CCDC77: variants seen among roughly 807,000 people sequenced by gnomAD.
CCDC77 encodes coiled-coil domain-containing protein 77.
A neutral mutation model predicts 66.8 loss-of-function variants in CCDC77; 56 were observed. The ratio of observed to expected loss-of-function variants is 0.84; its 90% confidence interval spans 0.68 to 1.05. CCDC77 has a LOEUF of 1.05. CCDC77 is among the 50% of genes least tolerant of loss of function. The pLI is 0.00. For synonymous variants in CCDC77, 196 were observed against 195.2 expected (o/e 1.00, Z -0.03); for missense variants, 570 against 576.8 (o/e 0.99, Z 0.12).
At chr12:400,614 G>A (rs61263516), upstream of CCDC77, among the ~76,000 whole-genome samples, 6,839 of 152,206 alleles carry the variant, frequency 0.045, 482 homozygotes, top group African/African-American at 0.15. Context: ...GGAGACTGCT[G>A]GTCTGTGGAG....
intron 4 of CCDC77, among the ~76,000 whole-genome samples, chr12:417,000 G>A (rs1344359608): frequency 1.3e-5 from 2 of 152,108 alleles, no homozygotes; most frequent in Non-Finnish European, 2.9e-5. Flanking sequence ...TTAGCTAGGC[G>A]TGGTGGCACA....
intron 5 of CCDC77, 196 bp downstream of exon 5, chr12:418,832 G>T: frequency 1.8e-6 from 1 of 569,832 alleles, no homozygotes. Flanking sequence ...TCGAGTAGCT[G>T]GGAACACAGG....
intron 5 of CCDC77, among the ~76,000 whole-genome samples, chr12:424,956 G>C (rs1945500168): frequency 6.8e-6 from 1 of 147,746 alleles, no homozygotes; most frequent in South Asian, 2.1e-4. Flanking sequence ...TTTGAGACAG[G>C]GTCTCCCTCT....
At chr12:403,693 T>C (rs1327252593) in intron 1 of CCDC77, among the ~76,000 whole-genome samples, 1 of 152,204 alleles carries the variant, frequency 6.6e-6, no homozygotes, top group Non-Finnish European at 1.5e-5. Flanking sequence ...GGTTTCACCA[T>C]GTTGCCCAGG....
chr12:428,662 G>A (rs11062934), intron 5 of CCDC77, 107 bp from the exon 6 acceptor site: 7 of 615,400 alleles, frequency 1.1e-5, no homozygotes, highest in Non-Finnish European at 1.9e-5. Context: ...TTAATTTGGG[G>A]TTACAATTGT....
chr12:436,773 T>C, intron 9 of CCDC77: 1 of 984,580 alleles, frequency 1.0e-6, no homozygotes, highest in Non-Finnish European at 1.2e-6. Flanking sequence ...TTCCTTCCAT[T>C]AGATGGATCT....
chr12:428,510 CAAAAAAAAAAAAA>C (rs59414510), intron 5 of CCDC77, among the ~76,000 whole-genome samples: 4 of 57,854 alleles, frequency 6.9e-5, no homozygotes, highest in East Asian at 6.0e-4. Context: ...GACTCTGTCT[CAAAAAAAAAAAAA>C]AAAAAAAAAA....
At chr12:430,531 C>A in intron 6 of CCDC77, 133 bp from the exon 7 acceptor site, 1 of 716,388 alleles carries the variant, frequency 1.4e-6, no homozygotes, top group Non-Finnish European at 2.6e-6. Flanking sequence ...CTGTCATGTG[C>A]ATGACATCCT....
chr12:390,235 C>T (rs978932720), intron 1 of CCDC77: 5 of 151,754 alleles, frequency 3.3e-5, no homozygotes, highest in Middle Eastern at 3.2e-3. Context: ...AATTTAAATA[C>T]TCTTACTGAC....
intron 9 of CCDC77, among the ~76,000 whole-genome samples, chr12:436,329 G>T (rs562540424): frequency 6.6e-6 from 1 of 151,182 alleles, no homozygotes; most frequent in East Asian, 1.9e-4. Context: ...AGGTTTCACC[G>T]TGTTAGCCAG....
intron 10 of CCDC77, among the ~76,000 whole-genome samples, chr12:439,214 A>G (rs1945814832): frequency 6.6e-6 from 1 of 152,100 alleles, no homozygotes; most frequent in African/African-American, 2.4e-5. Context: ...AACATTAGCA[A>G]ATAACTAAGA....
At chr12:432,009 A>C in intron 8 of CCDC77, 55 bp downstream of exon 8, 1 of 1,000,994 alleles carries the variant, frequency 1.0e-6, no homozygotes, top group Non-Finnish European at 1.6e-6. Flanking sequence ...GTGCAGCTCT[A>C]TGTCACATAC....
intron 4 of CCDC77, among the ~76,000 whole-genome samples, chr12:416,946 C>T (rs1039796755): frequency 1.3e-5 from 2 of 150,664 alleles, no homozygotes; most frequent in Admixed American, 6.7e-5. Context: ...TCGAGACCAG[C>T]CTGACCAACA....
At chr12:399,856 A>G (rs1181100332), upstream of CCDC77, among the ~76,000 whole-genome samples, 1 of 152,238 alleles carries the variant, frequency 6.6e-6, no homozygotes, top group African/African-American at 2.4e-5. Context: ...TAAAGTCACC[A>G]GTTGCATTAG....
chr12:413,025 G>A (rs4980818), intron 4 of CCDC77, among the ~76,000 whole-genome samples: 35 of 151,202 alleles, frequency 2.3e-4, no homozygotes, highest in African/African-American at 8.5e-4. Flanking sequence ...CACAAGCTCC[G>A]CCTCCCGGGT....
At chr12:423,489 G>GTTTT (rs1179236405) in intron 5 of CCDC77, among the ~76,000 whole-genome samples, 543 of 32,648 alleles carry the variant, frequency 0.017, 38 homozygotes, top group Middle Eastern at 0.028. Flanking sequence ...GTTTTTTTTT[G>GTTTT]TTTTGTTTTT....
intron 5 of CCDC77, among the ~76,000 whole-genome samples, chr12:425,190 C>A (rs984503088): frequency 1.3e-5 from 2 of 151,740 alleles, no homozygotes; most frequent in Admixed American, 1.3e-4. Context: ...CTCAGCCTCC[C>A]AAAGTGCTGG....
chr12:416,307 ATGTG>A (rs144744794), intron 4 of CCDC77, among the ~76,000 whole-genome samples: 13 of 86,766 alleles, frequency 1.5e-4, no homozygotes, highest in African/African-American at 5.1e-4. Flanking sequence ...TTAAGTGTTT[ATGTG>A]TGTGTGTGTG....
At chr12:427,217 C>A (rs974670650) in intron 5 of CCDC77, among the ~76,000 whole-genome samples, 2 of 151,540 alleles carry the variant, frequency 1.3e-5, no homozygotes, top group Admixed American at 6.6e-5. Flanking sequence ...TGCACTCCAG[C>A]CTGGGCGACA....
Sources: gnomAD v4.1 joint callset for allele counts (sites outside exome capture counted in the v4.1 genomes callset) on GRCh38, gnomAD v4.1.1 for gene constraint, MANE v1.5 for transcripts, NCBI Gene and HGNC (gene_info 2026-07-23, HGNC 2026-07-21) for gene names.